Variants in MBNL3 observed in about 807,000 individuals in gnomAD.
The protein encoded by MBNL3 is muscleblind-like protein 3.
MBNL3 carries 6 observed loss-of-function variants against 24.5 expected under a neutral mutation model. The ratio of observed to expected loss-of-function variants is 0.25; its 90% CI spans 0.13 to 0.48. The LOEUF (loss-of-function observed/expected upper bound fraction) is 0.48, where lower values mean the gene tolerates loss of function less well. MBNL3 is among the 20% of genes least tolerant of loss of function. The pLI is 0.99. For missense variants in MBNL3, 230 were observed against 293.5 expected, an observed-to-expected ratio of 0.78 and a Z score of 1.58; for synonymous variants, 100 against 101.7, an observed-to-expected ratio of 0.98 and a Z score of 0.10.
intron 1 of MBNL3, among the ~76,000 whole-genome samples, chrX:132,476,612 G>C (rs1281194872): frequency 8.9e-6 from 1 of 111,994 alleles, no homozygotes; most frequent in African/African-American, 3.2e-5. Flanking sequence ...AAGGTCTTGA[G>C]TTCCATGTAT....
At chrX:132,402,922 G>C (rs1941180133) in intron 3 of MBNL3, among the ~76,000 whole-genome samples, 1 of 112,041 alleles carries the variant, frequency 8.9e-6, no homozygotes, top group African/African-American at 3.2e-5. Flanking sequence ...CCTAGAAACA[G>C]ATCAAAGTAT....
chrX:132,472,008 G>A (rs1476271377), intron 1 of MBNL3, among the ~76,000 whole-genome samples: 2 of 112,320 alleles, frequency 1.8e-5, no homozygotes, highest in Non-Finnish European at 3.8e-5. Flanking sequence ...TGCTATAGAA[G>A]GTTAACTGCA....
chrX:132,443,136 C>T, intron 1 of MBNL3, among the ~76,000 whole-genome samples: 1 of 112,090 alleles, frequency 8.9e-6, no homozygotes, highest in East Asian at 2.8e-4. Flanking sequence ...TGCATTTGTA[C>T]TTTATTGTAC....
chrX:132,431,093 A>C (rs1345172026), intron 2 of MBNL3: 1 of 111,930 alleles, frequency 8.9e-6, no homozygotes, highest in African/African-American at 3.3e-5. Context: ...TGATAAATGA[A>C]ATAGACCATG....
At chrX:132,451,143 G>A (rs1321576772) in intron 1 of MBNL3, among the ~76,000 whole-genome samples, 1 of 112,563 alleles carries the variant, frequency 8.9e-6, no homozygotes, top group African/African-American at 3.2e-5. Context: ...GGAGGCATGG[G>A]GGTCAGGGCC....
chrX:132,415,946 G>T (rs1317447999), intron 2 of MBNL3, among the ~76,000 whole-genome samples: 3 of 110,758 alleles, frequency 2.7e-5, no homozygotes, highest in Admixed American at 9.6e-5. Context: ...GCAACTGTTG[G>T]TAAGAATGTA....
At chrX:132,479,914 C>T (rs1947644335) in intron 1 of MBNL3, among the ~76,000 whole-genome samples, 1 of 111,332 alleles carries the variant, frequency 9.0e-6, no homozygotes. Flanking sequence ...GTCACATAGC[C>T]TCCTTTATAT....
chrX:132,401,836 T>A (rs1603186164), intron 3 of MBNL3, among the ~76,000 whole-genome samples: 2 of 111,027 alleles, frequency 1.8e-5, no homozygotes, highest in South Asian at 7.5e-4. Context: ...CTTTCTATTA[T>A]TTTTTTTCTC....
At chrX:132,438,415 C>G (rs1945230015) in intron 2 of MBNL3, among the ~76,000 whole-genome samples, 1 of 111,186 alleles carries the variant, frequency 9.0e-6, no homozygotes, top group Non-Finnish European at 1.9e-5. Context: ...GGATACATCT[C>G]TGTTAGCCAA....
rs375878510 is a variant in MBNL3, at chrX:132,473,983, G to C, written c.-704+14868C>G. Among the ~76,000 whole-genome samples, 12 of 111,334 alleles carry C rather than the reference G, an allele frequency of 1.1e-4. No homozygotes were observed. In the East Asian group the frequency reaches 1.7e-3, roughly 16 times the overall value. ...CCTAGACATTAAATTCAAAGCTTAA[G>C]GTAGAGAAGGTAGAGATATTTTCTA... On this transcript the variant is annotated intron_variant, in intron 1 of 8. Coordinates refer to ENST00000370853, the MANE Select transcript of MBNL3 (RefSeq NM_001386889.1).
chrX:132,417,134 G>A (rs991920172), intron 2 of MBNL3, among the ~76,000 whole-genome samples: 1 of 111,021 alleles, frequency 9.0e-6, no homozygotes, highest in African/African-American at 3.3e-5. Context: ...TTTCATATAT[G>A]TGTGTGTCTT....
chrX:132,449,002 A>G (rs1247418496), intron 1 of MBNL3, among the ~76,000 whole-genome samples: 1 of 112,027 alleles, frequency 8.9e-6, no homozygotes, highest in Non-Finnish European at 1.9e-5. Context: ...GTGGTCTGAG[A>G]GACTGTTATG....
At chrX:132,398,754 A>G (rs1404287598) in intron 3 of MBNL3, among the ~76,000 whole-genome samples, 1 of 111,441 alleles carries the variant, frequency 9.0e-6, no homozygotes, top group Non-Finnish European at 1.9e-5. Context: ...TTAGATAAAT[A>G]GGTAGGCTAA....
chrX:132,466,818 T>C (rs1946910180), intron 1 of MBNL3, among the ~76,000 whole-genome samples: 1 of 111,465 alleles, frequency 9.0e-6, no homozygotes, highest in African/African-American at 3.3e-5. Flanking sequence ...GGGGCTGACC[T>C]CATAGTAAAC....
intron 1 of MBNL3, among the ~76,000 whole-genome samples, chrX:132,487,725 T>A (rs1400480823): frequency 8.9e-6 from 1 of 112,040 alleles, no homozygotes; most frequent in Admixed American, 9.4e-5. Flanking sequence ...AAGTTAAAAA[T>A]TATTTTAAAA....
intron 7 of MBNL3, among the ~76,000 whole-genome samples, chrX:132,383,784 A>G (rs950255111): frequency 2.7e-5 from 3 of 111,698 alleles, no homozygotes; most frequent in African/African-American, 9.8e-5. Context: ...CTCTGCATCT[A>G]TTCTGGTCCA....
chrX:132,466,200 A>G (rs2148507722), intron 1 of MBNL3, among the ~76,000 whole-genome samples: 1 of 112,689 alleles, frequency 8.9e-6, no homozygotes, highest in South Asian at 3.6e-4. Context: ...TAGACATAAG[A>G]CAGTGAAAAA....
chrX:132,409,468 G>A (rs1942395021), intron 2 of MBNL3, among the ~76,000 whole-genome samples: 1 of 111,445 alleles, frequency 9.0e-6, no homozygotes, highest in Admixed American at 9.5e-5. Context: ...TGGGCCACAA[G>A]GTACCCTATC....
chrX:132,444,975 T>G (rs1213854741), intron 1 of MBNL3, among the ~76,000 whole-genome samples: 3 of 111,642 alleles, frequency 2.7e-5, no homozygotes, highest in Non-Finnish European at 5.7e-5. Context: ...TATACTTTCC[T>G]TGTCTCCTAC....
Sources: allele counts gnomAD v4.1 joint callset (sites outside exome capture counted in the v4.1 genomes callset), GRCh38; gene constraint gnomAD v4.1.1; transcripts MANE v1.5; gene names NCBI Gene and HGNC (gene_info 2026-07-23, HGNC 2026-07-21).